The following STAG1 variants were observed in gnomAD, a reference collection of about 807,000 sequenced individuals.
The protein encoded by STAG1 is cohesin subunit SA-1.
In STAG1, 26 loss-of-function variants were observed where a neutral mutation model predicts 170.9. The observed-to-expected ratio is 0.15, with a 90% CI of 0.11 to 0.21. The LOEUF is 0.21. Among genes scored for constraint, STAG1 ranks in the 10% least tolerant of loss-of-function variants. The pLI, the probability that STAG1 is intolerant of heterozygous loss-of-function variation, is 1.00. For synonymous variants in STAG1, 514 were observed against 497.7 expected (o/e 1.03, Z -0.44); for missense variants, 964 against 1,509.5 (o/e 0.64, Z 5.99).
chr3:136,643,953 A>G (rs1451850524), intron 1 of STAG1, among the ~76,000 whole-genome samples: 2 of 152,186 alleles, frequency 1.3e-5, no homozygotes, highest in African/African-American at 2.4e-5. Flanking sequence ...AGAATCATCA[A>G]TTTTGCACAA....
chr3:136,648,212 T>G (rs2107853016), intron 1 of STAG1, among the ~76,000 whole-genome samples: 1 of 152,342 alleles, frequency 6.6e-6, no homozygotes, highest in Non-Finnish European at 1.5e-5. Context: ...TATCCTAGTC[T>G]TTTCAACTAG....
chr3:136,588,198 A>T (rs1027106215), intron 4 of STAG1, among the ~76,000 whole-genome samples: 12 of 152,170 alleles, frequency 7.9e-5, no homozygotes, highest in African/African-American at 2.7e-4. Flanking sequence ...GATATATACA[A>T]ATATACACAT....
intron 23 of STAG1, among the ~76,000 whole-genome samples, chr3:136,376,013 T>G (rs61789639): frequency 1.3e-4 from 2 of 15,714 alleles, no homozygotes; most frequent in Admixed American, 1.4e-3. Flanking sequence ...AATAAATAAT[T>G]AACAAAATAA....
chr3:136,668,267 T>C (rs1310718983), intron 1 of STAG1, among the ~76,000 whole-genome samples: 3 of 147,232 alleles, frequency 2.0e-5, no homozygotes, highest in African/African-American at 7.4e-5. Context: ...TTATATATTA[T>C]ACATAATATA....
At position 136,545,750 on chromosome 3, in the gene STAG1, C is replaced by T. The variant is rs1158855759; in HGVS notation, c.395-3555G>A. 3.3e-5 allele frequency among the ~76,000 whole-genome samples: 5 copies of T among 151,704 alleles called. No individual in the cohort carries two copies. The South Asian group carries it at 6.2e-4, about 19-fold the overall frequency. On this transcript the variant is annotated intron_variant, in intron 5 of 33. Transcript: ENST00000383202. ...CCCTCACAAATTATGAATAAAGATA[C>T]ATTTTTGATACTTATAAATTTTTTA...
At chr3:136,366,638 T>C (rs1269800838) in intron 25 of STAG1, among the ~76,000 whole-genome samples, 1 of 152,172 alleles carries the variant, frequency 6.6e-6, no homozygotes, top group African/African-American at 2.4e-5. Context: ...CCCTCCCATC[T>C]GTGCCTGTCA....
chr3:136,653,367 G>A (rs752865866), intron 1 of STAG1, among the ~76,000 whole-genome samples: 37 of 152,158 alleles, frequency 2.4e-4, no homozygotes, highest in Middle Eastern at 6.8e-3. Context: ...ATTAAAATAC[G>A]TTAAAAGTTT....
intron 1 of STAG1, among the ~76,000 whole-genome samples, chr3:136,712,726 C>T (rs1943417745): frequency 6.6e-6 from 1 of 152,220 alleles, no homozygotes; most frequent in South Asian, 2.1e-4. Flanking sequence ...CTACTAACAA[C>T]ATACCTTATG....
At chr3:136,386,016 CTTT>C (rs2086864041) in intron 22 of STAG1, among the ~76,000 whole-genome samples, 2 of 152,166 alleles carry the variant, frequency 1.3e-5, no homozygotes. Flanking sequence ...AGAGAAACCT[CTTT>C]CAACAAATTA....
intron 7 of STAG1, among the ~76,000 whole-genome samples, chr3:136,506,474 T>TATA (rs1371605774): frequency 6.5e-5 from 2 of 30,832 alleles, no homozygotes; most frequent in African/African-American, 4.3e-4. Flanking sequence ...CTACTAAAAA[T>TATA]ACAAAAAAAA....
At chr3:136,551,061 G>T (rs1256237399) in intron 5 of STAG1, among the ~76,000 whole-genome samples, 1 of 151,716 alleles carries the variant, frequency 6.6e-6, no homozygotes, top group Non-Finnish European at 1.5e-5. Flanking sequence ...CTTCCACACT[G>T]TACTCCTTAG....
chr3:136,337,944 G>A lies in STAG1; in HGVS notation c.*310C>T, dbSNP rs535593559. Reference sequence around the variant, plus strand: ...ACAGGTGTATAACAGTGTTTATCTTGACAGCTGTTTTAAAAATTTAAAATT... The same window carrying A: ...ACAGGTGTATAACAGTGTTTATCTTAACAGCTGTTTTAAAAATTTAAAATT... On this transcript the variant is annotated 3_prime_UTR_variant, in exon 34 of 34. Transcript: ENST00000383202. 3.6e-6 allele frequency: 1 copy of A among 274,780 alleles called. No individual in the cohort carries two copies. The highest frequency in any genetic ancestry group is 2.2e-5 in the African/African-American group (1 of 45,792). 17.0% of individuals were successfully genotyped at this position (274,780 alleles called of 1,614,324 possible).
At position 136,498,029 on chromosome 3, in the gene STAG1, C is replaced by G. The variant is rs183069219; in HGVS notation, c.902+2194G>C. ...CCAACAGGGAGAAACTCCGTCTCTA[C>G]TAAAAATACAAAATTAGCTGGGCGT... On this transcript the variant is annotated intron_variant, in intron 9 of 33. Transcript: ENST00000383202. 1.5e-3 allele frequency among the ~76,000 whole-genome samples: 206 copies of G among 138,808 alleles called. 1 individual carries two copies. The highest frequency in any genetic ancestry group is 5.3e-3 in the African/African-American group (194 of 36,886). 91.1% of individuals were successfully genotyped at this position (138,808 alleles called of 152,430 possible).
At chr3:136,719,642 GGTGGGTAGGTGGGTGGGTGGGTA>G (rs1365876344) in intron 1 of STAG1, among the ~76,000 whole-genome samples, 9 of 128,288 alleles carry the variant, frequency 7.0e-5, no homozygotes, top group Non-Finnish European at 1.5e-4. Flanking sequence ...TAGGTGGGTA[GGTGGGTAGGTGGGTGGGTGGGTA>G]GGTGGGTGGG....
At chr3:136,512,714 A>T (rs1934132611) in intron 7 of STAG1, among the ~76,000 whole-genome samples, 2 of 149,794 alleles carry the variant, frequency 1.3e-5, no homozygotes, top group African/African-American at 4.9e-5. Flanking sequence ...GACAGTGATC[A>T]CTAACAACAA....
At chr3:136,688,790 T>C (rs749021921) in intron 1 of STAG1, among the ~76,000 whole-genome samples, 2 of 152,214 alleles carry the variant, frequency 1.3e-5, no homozygotes, top group Non-Finnish European at 2.9e-5. Context: ...GTGACCTAAA[T>C]GTACAAAACA....
chr3:136,664,106 G>GTACT (rs1941673751), intron 1 of STAG1, among the ~76,000 whole-genome samples: 2 of 152,168 alleles, frequency 1.3e-5, no homozygotes, highest in African/African-American at 4.8e-5. Flanking sequence ...TTAAGCCCAG[G>GTACT]TACTGGTCTA....
rs1167937433 is a variant in STAG1, at chr3:136,367,000, G to A, written c.2628C>T (p.Ile876=). ...RNLLAAFSKL[I]IYDIVDMHAA... ...CATGCATGTCAACAATGTCATAAAT[G>A]ATAAGTTTGCTGAAAGCAGCAAGTA... The change falls in exon 25 of 34, where the codon ATC becomes ATT. Residue 876 remains isoleucine (I), a synonymous_variant. Coordinates refer to ENST00000383202, the MANE Select transcript of STAG1 (RefSeq NM_005862.3). 3 of 1,611,286 alleles carry A rather than the reference G, an allele frequency of 1.9e-6. No homozygotes were observed. Among genetic ancestry groups the A allele is most frequent in the East Asian group, 2.2e-5 (1 of 44,822 alleles).
At chr3:136,473,750 A>G (rs957930580) in intron 10 of STAG1, 113 bp from the exon 11 acceptor site, 3 of 724,210 alleles carry the variant, frequency 4.1e-6, no homozygotes, top group Middle Eastern at 2.5e-4. Flanking sequence ...GCATATTGTA[A>G]TTCAACATAG....
Sources: gnomAD v4.1 joint callset for allele counts (sites outside exome capture counted in the v4.1 genomes callset) on GRCh38, gnomAD v4.1.1 for gene constraint, MANE v1.5 for transcripts, NCBI Gene and HGNC (gene_info 2026-07-23, HGNC 2026-07-21) for gene names.